OCA2: variants seen among roughly 807,000 people sequenced by gnomAD.
OCA2 encodes P protein.
OCA2 carries 77 observed loss-of-function variants against 100.2 expected under a neutral mutation model. That is an observed-to-expected ratio of 0.77 (90% CI 0.64 to 0.93). The LOEUF (loss-of-function observed/expected upper bound fraction) is 0.93. OCA2 is among the 40% of genes least tolerant of loss of function. OCA2 has a pLI of 0.00. For missense variants in OCA2, 1,062 were observed against 1,089.1 expected (o/e 0.98, Z 0.35); for synonymous variants, 432 against 439.2 (o/e 0.98, Z 0.21).
chr15:28,016,287 G>A, intron 7 of OCA2, 101 bp from the exon 8 acceptor site: 1 of 927,844 alleles, frequency 1.1e-6, no homozygotes, highest in Non-Finnish European at 1.8e-6. Flanking sequence ...AAAAAGAAAA[G>A]GAGAAAGAAA....
In OCA2 at chr15:27,899,312, G is replaced by C. The variant is rs562538522; in HGVS notation, c.2079+26815C>G. ...CACTCAATTTCTGTTAATTTGTGCA[G>C]CAATAGGAGATGAACACACATGATA... On this transcript the variant is annotated intron_variant, in intron 19 of 23. Transcript: ENST00000354638. Among the ~76,000 whole-genome samples, 16 of 152,290 alleles carry C rather than the reference G, an allele frequency of 1.1e-4. No homozygotes were observed. The South Asian group carries it at 2.9e-3, about 28-fold the overall frequency.
At chr15:27,870,546 G>A (rs1183591651) in intron 21 of OCA2, among the ~76,000 whole-genome samples, 1 of 152,156 alleles carries the variant, frequency 6.6e-6, no homozygotes, top group African/African-American at 2.4e-5. Flanking sequence ...ACCACACAGA[G>A]AATGAAAGAT....
chr15:27,821,361 AACACACACATAAAAC>A (rs1022978798), intron 23 of OCA2, among the ~76,000 whole-genome samples: 1 of 152,190 alleles, frequency 6.6e-6, no homozygotes, highest in Non-Finnish European at 1.5e-5. Context: ...CAGTTGGAAC[AACACACACATAAAAC>A]ACACACACAT....
intron 19 of OCA2, among the ~76,000 whole-genome samples, chr15:27,914,674 C>T (rs1487367189): frequency 6.6e-6 from 1 of 152,120 alleles, no homozygotes; most frequent in Non-Finnish European, 1.5e-5. Flanking sequence ...AAGAGCTCTA[C>T]ACCAAGAATT....
At chr15:28,016,855 C>T (rs546370169) in intron 7 of OCA2, among the ~76,000 whole-genome samples, 1 of 152,122 alleles carries the variant, frequency 6.6e-6, no homozygotes, top group South Asian at 2.1e-4. Flanking sequence ...ACTTGGAGAA[C>T]TCTTCTGAGT....
chr15:27,926,084 A>G (rs1210507255), intron 19 of OCA2, 43 bp downstream of exon 19: 1 of 1,610,098 alleles, frequency 6.2e-7, no homozygotes, highest in Non-Finnish European at 8.5e-7. Flanking sequence ...TGAAATACAA[A>G]AATCAGGTAA....
intron 2 of OCA2, among the ~76,000 whole-genome samples, chr15:28,053,329 TAGG>T (rs890506831): frequency 6.6e-6 from 1 of 152,084 alleles, no homozygotes; most frequent in Non-Finnish European, 1.5e-5. Flanking sequence ...AGATGCCTCT[TAGG>T]AGGTGTGGGA....
At chr15:27,809,105 C>T (rs1204989048) in intron 23 of OCA2, among the ~76,000 whole-genome samples, 5 of 152,176 alleles carry the variant, frequency 3.3e-5, no homozygotes, top group African/African-American at 9.6e-5. Flanking sequence ...CAAAGAACTT[C>T]CTCTTGCCCT....
At chr15:27,791,053 TGGTGGAATTACA>T (rs1270288065) in intron 23 of OCA2, among the ~76,000 whole-genome samples, 1 of 152,054 alleles carries the variant, frequency 6.6e-6, no homozygotes, top group Non-Finnish European at 1.5e-5. Flanking sequence ...CCTCTCAAAG[TGGTGGAATTACA>T]GGCATGAGCC....
intron 15 of OCA2, among the ~76,000 whole-genome samples, chr15:27,965,078 TACA>T (rs918646091): frequency 6.6e-5 from 10 of 152,142 alleles, no homozygotes; most frequent in Admixed American, 3.9e-4. Context: ...AATCTGCATA[TACA>T]ACAATTGTCC....
intron 23 of OCA2, among the ~76,000 whole-genome samples, chr15:27,759,617 G>T (rs2030669821): frequency 6.6e-6 from 1 of 151,910 alleles, no homozygotes; most frequent in Admixed American, 6.6e-5. Context: ...TCCACCGAGA[G>T]ATCATAGTTA....
chr15:28,028,129 G>A, intron 3 of OCA2, 70 bp from the exon 4 acceptor site: 1 of 1,557,348 alleles, frequency 6.4e-7, no homozygotes, highest in South Asian at 1.1e-5. Flanking sequence ...TTTCCTCTGA[G>A]TTCTGACTGT....
At chr15:28,095,941 G>A (rs371637817) in intron 1 of OCA2, among the ~76,000 whole-genome samples, 49 of 152,218 alleles carry the variant, frequency 3.2e-4, no homozygotes, top group African/African-American at 1.2e-3. Flanking sequence ...GCCCCAAATC[G>A]TCCCTAATGC....
At chr15:28,087,094 C>T (rs1026544813) in intron 1 of OCA2, among the ~76,000 whole-genome samples, 13 of 152,006 alleles carry the variant, frequency 8.6e-5, no homozygotes, top group Non-Finnish European at 1.9e-4. Context: ...TGAGCAAACC[C>T]CAAACAAGAT....
At chr15:27,992,648 G>A (rs2041594789) in intron 9 of OCA2, among the ~76,000 whole-genome samples, 2 of 152,210 alleles carry the variant, frequency 1.3e-5, no homozygotes, top group African/African-American at 2.4e-5. Context: ...TAGTAGAACA[G>A]GATGTGACAG....
chr15:27,738,748 G>A, the OCA2 span, among the ~76,000 whole-genome samples: 1 of 149,772 alleles, frequency 6.7e-6, no homozygotes, highest in East Asian at 2.0e-4. Context: ...TACGCCAAAC[G>A]CAACTAACCT....
At chr15:27,771,673 T>A (rs1389767504) in intron 23 of OCA2, among the ~76,000 whole-genome samples, 1 of 152,200 alleles carries the variant, frequency 6.6e-6, no homozygotes, top group African/African-American at 2.4e-5. Context: ...TTCCAGAAAA[T>A]CACCCATTGT....
At chr15:27,964,217 G>A (rs184250022) in intron 15 of OCA2, among the ~76,000 whole-genome samples, 4 of 152,192 alleles carry the variant, frequency 2.6e-5, no homozygotes. Context: ...TTGAAGATGA[G>A]GAAATATTTC....
chr15:27,782,437 T>C (rs950910639), intron 23 of OCA2, among the ~76,000 whole-genome samples: 1 of 152,246 alleles, frequency 6.6e-6, no homozygotes, highest in African/African-American at 2.4e-5. Context: ...ACAAATTTCA[T>C]TTTTTATTTT....
Sources: allele counts gnomAD v4.1 joint callset (sites outside exome capture counted in the v4.1 genomes callset), GRCh38; gene constraint gnomAD v4.1.1; transcripts MANE v1.5; gene names NCBI Gene and HGNC (gene_info 2026-07-23, HGNC 2026-07-21).